The following CDC37L1 variants were observed in gnomAD, a reference collection of about 807,000 sequenced individuals.
CDC37L1 encodes the protein cell division cycle 37 like 1, HSP90 cochaperone.
In CDC37L1, 32 loss-of-function variants were observed where a neutral mutation model predicts 45.9. That is an observed-to-expected ratio of 0.70 (90% CI 0.53 to 0.94). The LOEUF (loss-of-function observed/expected upper bound fraction) is 0.94, where lower values mean the gene tolerates loss of function less well. Among genes scored for constraint, CDC37L1 ranks in the 40% least tolerant of loss-of-function variants. The probability of loss-of-function intolerance (pLI) is 0.00; values close to 1 mark genes in which losing one functional copy is unlikely to be tolerated. For missense variants in CDC37L1, 434 were observed against 405.7 expected, an observed-to-expected ratio of 1.07 and a Z score of -0.60; for synonymous variants, 150 against 133.0, an observed-to-expected ratio of 1.13 and a Z score of -0.88.
chr9:4,696,476 C>G (rs1841349096), intron 3 of CDC37L1, among the ~76,000 whole-genome samples: 1 of 125,770 alleles, frequency 8.0e-6, no homozygotes. Flanking sequence ...AGCCTCTCAT[C>G]TTTATGGAGA....
chr9:4,689,680 A>C (rs1044426855), intron 3 of CDC37L1, among the ~76,000 whole-genome samples: 2 of 152,236 alleles, frequency 1.3e-5, no homozygotes, highest in African/African-American at 4.8e-5. Context: ...AAAAAAATGA[A>C]TACACAGGCC....
At position 4,679,683 on chromosome 9, in the gene CDC37L1, G is replaced by GC. The variant is rs1194883038; in HGVS notation, c.-84dup. Reference sequence around the variant, plus strand: ...GACCCCCGGCTGGGCTTCTGGCTCGGCGCAGCAGGTTCCATTCACGCCAAG... The same window carrying GC: ...GACCCCCGGCTGGGCTTCTGGCTCGGCCGCAGCAGGTTCCATTCACGCCAAG... On this transcript the variant is annotated 5_prime_UTR_variant, in exon 1 of 7. Transcript: ENST00000381854. The GC allele has an allele frequency of 1.5e-6, 2 of 1,329,152 alleles. No individual in the cohort carries two copies. The highest frequency in any genetic ancestry group is 2.9e-5 in the African/African-American group (2 of 68,264). 82.3% of individuals were successfully genotyped at this position (1,329,152 alleles called of 1,614,324 possible).
intron 3 of CDC37L1, among the ~76,000 whole-genome samples, chr9:4,690,125 G>C (rs188709459): frequency 1.9e-3 from 286 of 152,326 alleles, no homozygotes; most frequent in Non-Finnish European, 2.9e-3. Flanking sequence ...CTTCTGGGTA[G>C]TGATGTTCGT....
Position 4,696,560 on chromosome 9 carries a change from A to C in CDC37L1, c.509-536A>C, listed in dbSNP as rs183028267. 3.5e-3 allele frequency among the ~76,000 whole-genome samples: 533 copies of C among 152,240 alleles called. 6 individuals carry two copies. The highest frequency in any genetic ancestry group is 0.012 in the African/African-American group (495 of 41,550). Reference sequence around the variant, plus strand: ...CTGACTGGACAACATTAAAAAGTCAACACTTTGCTGGTTCCGTGATTTCTT... The same window carrying C: ...CTGACTGGACAACATTAAAAAGTCACCACTTTGCTGGTTCCGTGATTTCTT... On this transcript the variant is annotated intron_variant, in intron 3 of 6. Coordinates refer to ENST00000381854, the MANE Select transcript of CDC37L1 (RefSeq NM_017913.4).
intron 2 of CDC37L1, 63 bp from the exon 3 acceptor site, chr9:4,688,450 T>C (rs951910883): frequency 7.0e-5 from 62 of 891,288 alleles, no homozygotes; most frequent in Non-Finnish European, 9.6e-5. Flanking sequence ...ATATTCAGTA[T>C]CTGAGAAAGA....
chr9:4,696,746 G>C (rs1362214092), intron 3 of CDC37L1, among the ~76,000 whole-genome samples: 1 of 152,188 alleles, frequency 6.6e-6, no homozygotes, highest in Non-Finnish European at 1.5e-5. Flanking sequence ...CAGACATCAT[G>C]AGTAAATGGC....
chr9:4,702,839 AG>A (rs1280962768), intron 6 of CDC37L1, among the ~76,000 whole-genome samples: 1 of 143,412 alleles, frequency 7.0e-6, no homozygotes, highest in African/African-American at 2.6e-5. Flanking sequence ...CAGTGAGCCG[AG>A]ATCGAGCCAC....
At position 4,684,897 on chromosome 9, in the gene CDC37L1, A is replaced by G. The variant is rs750763654; in HGVS notation, c.153A>G (p.Glu51=). 8 of 1,612,502 alleles carry G rather than the reference A, an allele frequency of 5.0e-6. No individual in the cohort carries two copies. The highest frequency in any genetic ancestry group is 6.8e-6 in the Non-Finnish European group (8 of 1,178,774). The change falls in exon 2 of 7, where the codon GAA becomes GAG. Residue 51 remains glutamate, a synonymous_variant. Transcript: ENST00000381854. ...TCCAGATGTATAGCCATGGAATTGA[A>G]TTGGCTTGCCAAAAGCAGAAAGAGT... ...GGAQMYSHGI[E]LACQKQKEFV... is the part of the protein sequence containing the mutation.
chr9:4,697,501 A>G (rs939817278), intron 4 of CDC37L1, among the ~76,000 whole-genome samples: 1 of 152,122 alleles, frequency 6.6e-6, no homozygotes, highest in Non-Finnish European at 1.5e-5. Context: ...ACTAATTTGA[A>G]AGTCGTATTT....
chr9:4,708,275 A>G lies in CDC37L1; in HGVS notation c.*2163A>G, dbSNP rs954647559. Reference sequence around the variant, plus strand: ...TATTTCAGGTTGGACAATTTACCCTAAACAAATTAAACCATGGAAAGTGCA... The same window carrying G: ...TATTTCAGGTTGGACAATTTACCCTGAACAAATTAAACCATGGAAAGTGCA... On this transcript the variant is annotated 3_prime_UTR_variant, in exon 7 of 7. Transcript: ENST00000381854. 3 of 152,262 alleles carry G rather than the reference A, an allele frequency of 2.0e-5. No individual in the cohort carries two copies. Among genetic ancestry groups the G allele is most frequent in the Admixed American group, 2.0e-4 (3 of 15,282 alleles). 9.4% of individuals were successfully genotyped at this position (152,262 alleles called of 1,614,324 possible).
intron 3 of CDC37L1, among the ~76,000 whole-genome samples, chr9:4,688,949 T>C (rs750179366): frequency 2.0e-5 from 3 of 152,210 alleles, no homozygotes; most frequent in Admixed American, 1.3e-4. Flanking sequence ...GATTATCTTA[T>C]GTTTTAAAGA....
At chr9:4,687,261 A>C (rs564524055) in intron 2 of CDC37L1, among the ~76,000 whole-genome samples, 1 of 152,228 alleles carries the variant, frequency 6.6e-6, no homozygotes, top group South Asian at 2.1e-4. Flanking sequence ...TTCTAGCTAG[A>C]TACAAACTTT....
chr9:4,706,216 GT>G lies in CDC37L1; in HGVS notation c.*109del. The G allele has an allele frequency of 7.4e-6, 4 of 541,788 alleles. No homozygotes were observed. The highest frequency in any genetic ancestry group is 1.4e-5 in the Non-Finnish European group (4 of 292,542). The allele number at this position is 541,788 out of a possible 1,614,324, so 33.6% of individuals were successfully genotyped here. ...GGGTGCTGCACTTTATTTTTGTTCGGTTTTTGATGGGAGGGAAAGAGTACTG... is the reference window on the plus strand; with the variant it reads ...GGGTGCTGCACTTTATTTTTGTTCGGTTTTGATGGGAGGGAAAGAGTACTG... On this transcript the variant is annotated 3_prime_UTR_variant, in exon 7 of 7. Transcript: ENST00000381854.
chr9:4,694,725 A>C (rs7044034), intron 3 of CDC37L1, among the ~76,000 whole-genome samples: 5,428 of 151,848 alleles, frequency 0.036, 329 homozygotes, highest in African/African-American at 0.13. Context: ...ACAAAAATTA[A>C]CTGGGCGTGG....
chr9:4,702,599 C>T (rs546124726), intron 6 of CDC37L1, among the ~76,000 whole-genome samples: 38 of 152,066 alleles, frequency 2.5e-4, no homozygotes, highest in African/African-American at 8.9e-4. Flanking sequence ...AAAACCATGT[C>T]GGCTGGGCGC....
chr9:4,699,266 C>A (rs1323862757), intron 5 of CDC37L1, among the ~76,000 whole-genome samples: 1 of 152,110 alleles, frequency 6.6e-6, no homozygotes, highest in Admixed American at 6.5e-5. Context: ...CTCCAAAATC[C>A]AAAACTGTTT....
At chr9:4,697,049 A>C (rs1247037811) in intron 3 of CDC37L1, 47 bp from the exon 4 acceptor site, 11 of 808,414 alleles carry the variant, frequency 1.4e-5, no homozygotes, top group Non-Finnish European at 2.3e-5. Flanking sequence ...CCCTTATGGG[A>C]AGAAAGAAAA....
rs188682303 is a variant in CDC37L1 at position 4,706,484 on chromosome 9, G to T, written c.*372G>T. ...CTACAGTCTCTTTTTATATGGATAT[G>T]TACATGTCCTATTCTACAAAAATGA... On this transcript the variant is annotated 3_prime_UTR_variant, in exon 7 of 7. Coordinates refer to ENST00000381854, the MANE Select transcript of CDC37L1 (RefSeq NM_017913.4). 0.018 allele frequency: 2,861 copies of T among 157,408 alleles called. 65 individuals carry two copies. The highest frequency in any genetic ancestry group is 0.054 in the African/African-American group (2,269 of 41,636). 9.8% of individuals were successfully genotyped at this position (157,408 alleles called of 1,614,324 possible). A position where few individuals can be genotyped will look rare whatever the true frequency, so the allele number is the denominator to read the frequency against.
At chr9:4,690,630 GC>G (rs1293344485) in intron 3 of CDC37L1, among the ~76,000 whole-genome samples, 1 of 152,186 alleles carries the variant, frequency 6.6e-6, no homozygotes, top group Admixed American at 6.5e-5. Flanking sequence ...TGATTAATAA[GC>G]AATCATTTTG....
Sources: allele counts gnomAD v4.1 joint callset (sites outside exome capture counted in the v4.1 genomes callset), GRCh38; gene constraint gnomAD v4.1.1; transcripts MANE v1.5; gene names NCBI Gene and HGNC (gene_info 2026-07-23, HGNC 2026-07-21).